Variants in PPP1R12B observed in about 807,000 individuals in gnomAD.
The protein encoded by PPP1R12B is protein phosphatase 1 regulatory subunit 12B, also known as myosin phosphatase target subunit 2.
PPP1R12B carries 76 observed loss-of-function variants against 126.1 expected under a neutral mutation model. The ratio of observed to expected loss-of-function variants is 0.60; its 90% CI spans 0.50 to 0.73. The LOEUF (loss-of-function observed/expected upper bound fraction) is 0.73. Among genes scored for constraint, PPP1R12B ranks in the 30% least tolerant of loss-of-function variants. The pLI, the probability that PPP1R12B is intolerant of heterozygous loss-of-function variation, is 0.00. For synonymous variants in PPP1R12B, 356 were observed against 434.7 expected, an observed-to-expected ratio of 0.82 and a Z score of 2.25; for missense variants, 1,052 against 1,205.1, an observed-to-expected ratio of 0.87 and a Z score of 1.88.
intron 18 of PPP1R12B, among the ~76,000 whole-genome samples, chr1:202,532,691 C>T (rs997017875): frequency 3.9e-5 from 6 of 151,902 alleles, no homozygotes; most frequent in African/African-American, 1.5e-4. Flanking sequence ...TAAAGAGAGA[C>T]TATCTTTCAA....
chr1:202,394,631 G>A (rs1261172610), intron 1 of PPP1R12B, among the ~76,000 whole-genome samples: 1 of 152,016 alleles, frequency 6.6e-6, no homozygotes, highest in African/African-American at 2.4e-5. Context: ...GCGCATGCCT[G>A]TAATCCTAGC....
chr1:202,509,116 GA>G (rs1681143323), intron 18 of PPP1R12B, among the ~76,000 whole-genome samples: 1 of 152,230 alleles, frequency 6.6e-6, no homozygotes, highest in Non-Finnish European at 1.5e-5. Flanking sequence ...GTTACTGATA[GA>G]AAAAGTATTT....
At chr1:202,415,134 T>C (rs973595350) in intron 1 of PPP1R12B, among the ~76,000 whole-genome samples, 9 of 152,126 alleles carry the variant, frequency 5.9e-5, no homozygotes, top group East Asian at 1.9e-4. Context: ...CAGAAGTGCT[T>C]TATGTATACT....
At chr1:202,383,329 C>T (rs948202778) in intron 1 of PPP1R12B, among the ~76,000 whole-genome samples, 1 of 152,194 alleles carries the variant, frequency 6.6e-6, no homozygotes, top group Non-Finnish European at 1.5e-5. Context: ...TTTTTTACTT[C>T]ATAGGAATGT....
intron 1 of PPP1R12B, among the ~76,000 whole-genome samples, chr1:202,406,774 A>T (rs1286803343): frequency 1.3e-5 from 2 of 152,128 alleles, no homozygotes; most frequent in Non-Finnish European, 1.5e-5. Context: ...AAGGTGTATC[A>T]TTCCATTACT....
intron 8 of PPP1R12B, among the ~76,000 whole-genome samples, chr1:202,433,364 C>T (rs1268815109): frequency 1.3e-5 from 2 of 152,192 alleles, no homozygotes; most frequent in African/African-American, 2.4e-5. Context: ...CTCTTGTTCT[C>T]TGTAGCCAGG....
chr1:202,364,994 G>T (rs1041055862), intron 1 of PPP1R12B, among the ~76,000 whole-genome samples: 1 of 152,210 alleles, frequency 6.6e-6, no homozygotes, highest in African/African-American at 2.4e-5. Flanking sequence ...TTGCAGGCAT[G>T]AGCTACCGCA....
At chr1:202,561,563 A>C (rs990991711) in intron 19 of PPP1R12B, among the ~76,000 whole-genome samples, 1 of 152,204 alleles carries the variant, frequency 6.6e-6, no homozygotes, top group Non-Finnish European at 1.5e-5. Flanking sequence ...TATGAACTAA[A>C]CAGTTAAAAG....
rs71142529 is a variant in PPP1R12B at position 202,395,114 on chromosome 1, C to CAAAA, written c.292-21656_292-21653dup. On this transcript the variant is annotated intron_variant, in intron 1 of 23. Transcript: ENST00000608999. The stretch of plus-strand genomic sequence containing the variant: ...CCTGGGCAACAAAGTGAGACTCTCT[C>CAAAA]AAAAAAAAAAAAAAAAAAAAGAAAG... Among the ~76,000 whole-genome samples the CAAAA allele has an allele frequency of 2.0e-4, 20 of 97,694 alleles. 1 individual carries two copies. The highest frequency in any genetic ancestry group is 5.9e-3 in the Middle Eastern group (1 of 170). 64.1% of individuals were successfully genotyped at this position (97,694 alleles called of 152,430 possible). A position where few individuals can be genotyped will look rare whatever the true frequency, so the allele number is the denominator to read the frequency against.
chr1:202,546,437 C>A (rs971083964), intron 18 of PPP1R12B, among the ~76,000 whole-genome samples: 1 of 152,036 alleles, frequency 6.6e-6, no homozygotes, highest in Non-Finnish European at 1.5e-5. Context: ...AGAACTGTTT[C>A]TTCAAAAAAT....
chr1:202,509,051 G>A (rs144284913), intron 18 of PPP1R12B, among the ~76,000 whole-genome samples: 8 of 152,366 alleles, frequency 5.3e-5, no homozygotes, highest in Non-Finnish European at 1.0e-4. Flanking sequence ...AAAGCAGGCC[G>A]GTGGACTGGA....
intron 18 of PPP1R12B, among the ~76,000 whole-genome samples, chr1:202,514,843 G>A (rs763879090): frequency 6.6e-6 from 1 of 152,146 alleles, no homozygotes; most frequent in Admixed American, 6.6e-5. Flanking sequence ...ACATGCATGC[G>A]AATGTTCATT....
intron 19 of PPP1R12B, among the ~76,000 whole-genome samples, chr1:202,561,438 C>T (rs1687520244): frequency 6.7e-6 from 1 of 150,360 alleles, no homozygotes; most frequent in South Asian, 2.1e-4. Flanking sequence ...GGCAAGATGT[C>T]CACGGTCATA....
At chr1:202,362,961 G>C (rs1658480876) in intron 1 of PPP1R12B, among the ~76,000 whole-genome samples, 1 of 152,142 alleles carries the variant, frequency 6.6e-6, no homozygotes, top group Admixed American at 6.6e-5. Context: ...AGCCCCCTGA[G>C]TAGCTGGGAC....
chr1:202,449,385 C>A (rs1353007171), intron 13 of PPP1R12B, among the ~76,000 whole-genome samples: 1 of 151,502 alleles, frequency 6.6e-6, no homozygotes, highest in Admixed American at 6.6e-5. Context: ...AAACGATTCT[C>A]CTGCCTCAGC....
At chr1:202,441,793 A>G (rs1671650907) in intron 11 of PPP1R12B, among the ~76,000 whole-genome samples, 1 of 151,454 alleles carries the variant, frequency 6.6e-6, no homozygotes, top group African/African-American at 2.4e-5. Flanking sequence ...ATCTTCCCCC[A>G]TCATTTCCTT....
At chr1:202,398,054 G>A (rs1251179096) in intron 1 of PPP1R12B, among the ~76,000 whole-genome samples, 1 of 152,200 alleles carries the variant, frequency 6.6e-6, no homozygotes, top group Non-Finnish European at 1.5e-5. Flanking sequence ...TGGACTACAG[G>A]TGTGCGCCCC....
chr1:202,510,065 T>A (rs1210292348), intron 18 of PPP1R12B, among the ~76,000 whole-genome samples: 2 of 152,202 alleles, frequency 1.3e-5, no homozygotes, highest in Non-Finnish European at 2.9e-5. Flanking sequence ...TATGTACTTT[T>A]AAAAAACTCC....
At chr1:202,526,325 T>G (rs919830563) in intron 18 of PPP1R12B, among the ~76,000 whole-genome samples, 16 of 152,124 alleles carry the variant, frequency 1.1e-4, no homozygotes, top group Non-Finnish European at 1.6e-4. Context: ...GTTGGGTGTT[T>G]GAGTTAAAAG....
Sources: gnomAD v4.1 joint callset for allele counts (sites outside exome capture counted in the v4.1 genomes callset) on GRCh38, gnomAD v4.1.1 for gene constraint, MANE v1.5 for transcripts, NCBI Gene and HGNC (gene_info 2026-07-23, HGNC 2026-07-21) for gene names.